MYO3A: variants seen among roughly 807,000 people sequenced by gnomAD.
MYO3A encodes myosin-IIIa.
Under a neutral mutation model 192.7 loss-of-function variants are expected in MYO3A, and 180 were observed. The observed-to-expected ratio is 0.93, with a 90% confidence interval of 0.83 to 1.06. The LOEUF is 1.06. MYO3A is among the 50% of genes least tolerant of loss of function. The probability of loss-of-function intolerance (pLI) is 0.00; values close to 1 mark genes in which losing one functional copy is unlikely to be tolerated. For synonymous variants in MYO3A, 628 were observed against 645.3 expected, an observed-to-expected ratio of 0.97 and a Z score of 0.41; for missense variants, 1,896 against 1,905.0, an observed-to-expected ratio of 1.00 and a Z score of 0.09.
At chr10:26,088,107 A>G in intron 14 of MYO3A, 96 bp from the exon 15 acceptor site, 1 of 978,762 alleles carries the variant, frequency 1.0e-6, no homozygotes, top group Non-Finnish European at 1.5e-6. Context: ...TTGTATGTTT[A>G]TATCTACATA....
At chr10:25,958,040 T>C (rs1837671949) in intron 4 of MYO3A, among the ~76,000 whole-genome samples, 1 of 152,194 alleles carries the variant, frequency 6.6e-6, no homozygotes, top group African/African-American at 2.4e-5. Flanking sequence ...GTAGGCTGTC[T>C]CTTTACTCTG....
intron 10 of MYO3A, among the ~76,000 whole-genome samples, chr10:26,066,276 C>A (rs1282756465): frequency 6.6e-6 from 1 of 152,022 alleles, no homozygotes; most frequent in Non-Finnish European, 1.5e-5. Context: ...ATATTCCTTC[C>A]CCTTTTACCA....
chr10:25,983,414 C>T (rs946053160), intron 4 of MYO3A, among the ~76,000 whole-genome samples: 1 of 151,940 alleles, frequency 6.6e-6, no homozygotes, highest in South Asian at 2.1e-4. Flanking sequence ...CGCCACCACG[C>T]CCAGCTAATT....
chr10:26,189,579 C>A (rs4749096), intron 31 of MYO3A, among the ~76,000 whole-genome samples: 151,985 of 152,356 alleles, frequency 1, 75,809 homozygotes, highest in East Asian at 1. Context: ...AACATCGTCT[C>A]TCAGGGCTTC....
chr10:26,194,132 A>G (rs1843286290), intron 32 of MYO3A, among the ~76,000 whole-genome samples: 1 of 152,090 alleles, frequency 6.6e-6, no homozygotes, highest in East Asian at 1.9e-4. Context: ...AGCAATTACC[A>G]TATTTCAGAC....
intron 14 of MYO3A, 91 bp downstream of exon 14, chr10:26,070,492 T>G: frequency 9.1e-7 from 1 of 1,099,398 alleles, no homozygotes; most frequent in Non-Finnish European, 1.3e-6. Flanking sequence ...CTCTAGTATC[T>G]CACATTTAAT....
At chr10:26,098,545 G>C (rs1341684344) in intron 17 of MYO3A, among the ~76,000 whole-genome samples, 1 of 152,164 alleles carries the variant, frequency 6.6e-6, no homozygotes, top group Non-Finnish European at 1.5e-5. Flanking sequence ...ATGGGTTTAG[G>C]TCTAATATTT....
intron 34 of MYO3A, among the ~76,000 whole-genome samples, chr10:26,211,277 G>T (rs1844207784): frequency 6.6e-6 from 1 of 152,146 alleles, no homozygotes; most frequent in Admixed American, 6.5e-5. Flanking sequence ...CATTGGCAGG[G>T]GTTCTCAGCA....
At chr10:26,039,598 A>G (rs1000495326) in intron 10 of MYO3A, among the ~76,000 whole-genome samples, 3 of 152,012 alleles carry the variant, frequency 2.0e-5, no homozygotes, top group African/African-American at 4.8e-5. Context: ...GGATCTCTTT[A>G]TGGTTCAATC....
intron 20 of MYO3A, among the ~76,000 whole-genome samples, chr10:26,138,418 A>C (rs1839972950): frequency 2.0e-5 from 3 of 152,220 alleles, no homozygotes; most frequent in Admixed American, 1.3e-4. Flanking sequence ...TTATTATTAG[A>C]AATCTGACTT....
At position 26,170,427 on chromosome 10, in the gene MYO3A, C is replaced by CA. The variant is rs1316904446; in HGVS notation, c.3287dup (p.His1096GlnfsTer12). Reference sequence around the variant, plus strand: ...TTTCTGTGTTTCAGCTGCAAGAGGACACCTTGTCAGGAAACAAAGAAAAGA... The same window carrying CA: ...TTTCTGTGTTTCAGCTGCAAGAGGACAACCTTGTCAGGAAACAAAGAAAAGA... On this transcript the variant is annotated frameshift_variant, in exon 29 of 35. Coordinates refer to ENST00000642920, the MANE Select transcript of MYO3A (RefSeq NM_017433.5). LOFTEE classifies it high-confidence loss of function. 1 of 1,613,408 alleles carries CA rather than the reference C, an allele frequency of 6.2e-7. No homozygotes were observed.
chr10:26,131,531 C>G (rs914693507), intron 20 of MYO3A, among the ~76,000 whole-genome samples: 1 of 152,136 alleles, frequency 6.6e-6, no homozygotes, highest in Non-Finnish European at 1.5e-5. Context: ...GCCTGCTTTC[C>G]CATGGACAGT....
At chr10:26,174,964 G>C (rs182561426) in intron 30 of MYO3A, among the ~76,000 whole-genome samples, 3 of 152,256 alleles carry the variant, frequency 2.0e-5, no homozygotes, top group Admixed American at 2.0e-4. Context: ...ACATAATTAG[G>C]TATCAGATTT....
Position 26,075,726 on chromosome 10 carries a change from G to C in MYO3A, c.1359+5325G>C, listed in dbSNP as rs148797243. On this transcript the variant is annotated intron_variant, in intron 14 of 34. Coordinates refer to ENST00000642920, the MANE Select transcript of MYO3A (RefSeq NM_017433.5). ...ATATATGTCTCTCTCATATATATAT[G>C]ATATATATGTCTCTCATATATATGA... Among the ~76,000 whole-genome samples the C allele has an allele frequency of 4.8e-3, 620 of 128,774 alleles. 3 individuals are homozygous for C. Among genetic ancestry groups the C allele is most frequent in the African/African-American group, 0.017 (585 of 34,182 alleles). The allele number at this position is 128,774 out of a possible 152,430, so 84.5% of individuals were successfully genotyped here.
intron 8 of MYO3A, chr10:26,023,243 G>T (rs1842395961): frequency 6.6e-6 from 1 of 152,148 alleles, no homozygotes; most frequent in Admixed American, 6.6e-5. Context: ...GCTATTTAAG[G>T]AGTAATGCAG....
intron 2 of MYO3A, among the ~76,000 whole-genome samples, chr10:25,946,771 G>A (rs1018637419): frequency 1.3e-5 from 2 of 149,348 alleles, no homozygotes; most frequent in Admixed American, 6.8e-5. Flanking sequence ...CCCGCTACAC[G>A]GGAGGCTGAG....
At chr10:26,135,713 G>A (rs1007382465) in intron 20 of MYO3A, among the ~76,000 whole-genome samples, 4 of 152,018 alleles carry the variant, frequency 2.6e-5, no homozygotes, top group Admixed American at 6.6e-5. Context: ...AGTGGCTCAC[G>A]CTTGTAATCC....
chr10:26,070,965 C>T (rs1835169641), intron 14 of MYO3A, among the ~76,000 whole-genome samples: 1 of 151,976 alleles, frequency 6.6e-6, no homozygotes, highest in Non-Finnish European at 1.5e-5. Context: ...ATTAAGACGT[C>T]AGTCTTCTAC....
chr10:26,006,296 C>T (rs905064559), intron 6 of MYO3A, among the ~76,000 whole-genome samples: 11 of 152,054 alleles, frequency 7.2e-5, no homozygotes, highest in Admixed American at 2.0e-4. Context: ...CCAAAATTGA[C>T]ACCCTAACAT....
Sources: gnomAD v4.1 joint callset for allele counts (sites outside exome capture counted in the v4.1 genomes callset) on GRCh38, gnomAD v4.1.1 for gene constraint, MANE v1.5 for transcripts, NCBI Gene and HGNC (gene_info 2026-07-23, HGNC 2026-07-21) for gene names.